LRP1B: variants seen among roughly 807,000 people sequenced by gnomAD.
LRP1B encodes low-density lipoprotein receptor-related protein 1B.
LRP1B carries 217 observed loss-of-function variants against 556.6 expected under a neutral mutation model. The observed-to-expected ratio is 0.39, with a 90% CI of 0.35 to 0.44. The LOEUF (loss-of-function observed/expected upper bound fraction) is 0.44. LRP1B is among the 20% of genes least tolerant of loss of function. The pLI is 1.00. For missense variants in LRP1B, 5,053 were observed against 5,620.8 expected, an observed-to-expected ratio of 0.90 and a Z score of 3.23; for synonymous variants, 2,047 against 1,865.8, an observed-to-expected ratio of 1.10 and a Z score of -2.50.
At chr2:142,039,939 A>G (rs1195965918) in intron 1 of LRP1B, among the ~76,000 whole-genome samples, 1 of 151,486 alleles carries the variant, frequency 6.6e-6, no homozygotes, top group Non-Finnish European at 1.5e-5. Context: ...TTTAAGAAAT[A>G]CACTGTTCAA....
chr2:141,082,788 G>T (rs532496310), intron 7 of LRP1B, among the ~76,000 whole-genome samples: 2 of 152,242 alleles, frequency 1.3e-5, no homozygotes, highest in South Asian at 2.1e-4. Flanking sequence ...AGGGACAAAG[G>T]TTAAAAAATG....
At chr2:140,735,764 C>T (rs529751136) in intron 35 of LRP1B, among the ~76,000 whole-genome samples, 1 of 152,172 alleles carries the variant, frequency 6.6e-6, no homozygotes, top group African/African-American at 2.4e-5. Context: ...TCTGTCCTGG[C>T]TACTTGGCTA....
At chr2:141,881,002 G>A (rs977643077) in intron 1 of LRP1B, among the ~76,000 whole-genome samples, 3 of 151,976 alleles carry the variant, frequency 2.0e-5, no homozygotes, top group Admixed American at 6.6e-5. Flanking sequence ...GGTACAGTGG[G>A]CATGACGTTG....
intron 3 of LRP1B, among the ~76,000 whole-genome samples, chr2:141,319,480 A>G (rs1268972753): frequency 1.3e-5 from 2 of 151,890 alleles, no homozygotes; most frequent in African/African-American, 4.8e-5. Context: ...ACTGAAGTTG[A>G]GGTGAGGGTT....
chr2:141,350,833 T>C (rs990986302), intron 3 of LRP1B, among the ~76,000 whole-genome samples: 11 of 152,162 alleles, frequency 7.2e-5, no homozygotes, highest in Admixed American at 7.2e-4. Context: ...AGATGAGCCA[T>C]AGATTTTGGC....
intron 2 of LRP1B, among the ~76,000 whole-genome samples, chr2:141,620,781 CA>C (rs1688480039): frequency 6.6e-6 from 1 of 151,902 alleles, no homozygotes; most frequent in Non-Finnish European, 1.5e-5. Flanking sequence ...TAAATGAAGA[CA>C]CCTTTTCAGA....
intron 58 of LRP1B, among the ~76,000 whole-genome samples, chr2:140,485,846 T>TAC (rs10696198): frequency 0.085 from 12,075 of 142,120 alleles, 547 homozygotes; most frequent in African/African-American, 0.14. Context: ...CTCACGCACA[T>TAC]ACACACACAC....
intron 20 of LRP1B, among the ~76,000 whole-genome samples, chr2:140,940,705 A>C (rs1695375264): frequency 6.6e-6 from 1 of 152,148 alleles, no homozygotes; most frequent in African/African-American, 2.4e-5. Flanking sequence ...ATGTCTTGCT[A>C]TTGTGAACAG....
chr2:140,585,182 G>T (rs1479111053), intron 43 of LRP1B, among the ~76,000 whole-genome samples: 1 of 151,836 alleles, frequency 6.6e-6, no homozygotes, highest in Non-Finnish European at 1.5e-5. Context: ...TTTTAAACTT[G>T]GTTTATTTTT....
At chr2:141,424,555 C>T (rs1238662252) in intron 3 of LRP1B, among the ~76,000 whole-genome samples, 1 of 152,150 alleles carries the variant, frequency 6.6e-6, no homozygotes, top group Non-Finnish European at 1.5e-5. Flanking sequence ...TTGAAAGGCA[C>T]TTTGAATAAA....
At chr2:142,098,188 A>G (rs992391092) in intron 1 of LRP1B, among the ~76,000 whole-genome samples, 3 of 151,720 alleles carry the variant, frequency 2.0e-5, no homozygotes, top group Admixed American at 2.0e-4. Flanking sequence ...GAAGAAAGAA[A>G]TTTGCTGGAG....
intron 2 of LRP1B, among the ~76,000 whole-genome samples, chr2:141,582,911 C>T (rs891975103): frequency 3.0e-5 from 4 of 134,716 alleles, no homozygotes; most frequent in Non-Finnish European, 6.2e-5. Context: ...TCTCGGCTCA[C>T]TGCAACCTCC....
chr2:141,173,058 A>T (rs1436384594), intron 7 of LRP1B, among the ~76,000 whole-genome samples: 3 of 135,522 alleles, frequency 2.2e-5, no homozygotes, highest in Non-Finnish European at 4.9e-5. Context: ...TTAAAATTAA[A>T]AAAAAAAAAA....
intron 2 of LRP1B, among the ~76,000 whole-genome samples, chr2:141,513,297 C>A (rs1201241420): frequency 6.6e-6 from 1 of 151,918 alleles, no homozygotes; most frequent in Non-Finnish European, 1.5e-5. Flanking sequence ...GACTTAATAA[C>A]CATCATCTTG....
intron 7 of LRP1B, among the ~76,000 whole-genome samples, chr2:141,101,823 AG>A (rs1324114425): frequency 6.6e-6 from 1 of 152,164 alleles, no homozygotes; most frequent in Non-Finnish European, 1.5e-5. Flanking sequence ...AATTTATCCC[AG>A]ATTCCCCATT....
intron 1 of LRP1B, among the ~76,000 whole-genome samples, chr2:142,009,690 T>C (rs1178890237): frequency 1.3e-5 from 2 of 152,214 alleles, no homozygotes; most frequent in Non-Finnish European, 2.9e-5. Context: ...GGCTATATGA[T>C]TTTATGCTGC....
At position 141,183,733 on chromosome 2, in the gene LRP1B, G is replaced by C. The variant is rs559121280; in HGVS notation, c.1013+4688C>G. On this transcript the variant is annotated intron_variant, in intron 7 of 90. Transcript: ENST00000389484. ...ATTTCTGTTATTTTACTTAACATAGGAGATCTTCCCCCTCCCTCAATTTAG... is the reference window on the plus strand; with the variant it reads ...ATTTCTGTTATTTTACTTAACATAGCAGATCTTCCCCCTCCCTCAATTTAG... Among the ~76,000 whole-genome samples, 6 of 152,008 alleles carry C rather than the reference G, an allele frequency of 3.9e-5. 1 individual carries two copies. The highest frequency in any genetic ancestry group is 1.4e-4 in the African/African-American group (6 of 41,494).
chr2:140,768,072 C>T (rs1408595937), intron 35 of LRP1B, among the ~76,000 whole-genome samples: 1 of 151,920 alleles, frequency 6.6e-6, no homozygotes, highest in Admixed American at 6.6e-5. Flanking sequence ...TAACATATTG[C>T]TTAATAAAAT....
chr2:141,320,326 T>C (rs758878441), intron 3 of LRP1B, among the ~76,000 whole-genome samples: 7 of 152,070 alleles, frequency 4.6e-5, no homozygotes, highest in Non-Finnish European at 7.4e-5. Context: ...GAGTGCGCAG[T>C]AAGGAAATAA....
Sources: allele counts gnomAD v4.1 joint callset (sites outside exome capture counted in the v4.1 genomes callset), GRCh38; gene constraint gnomAD v4.1.1; transcripts MANE v1.5; gene names NCBI Gene and HGNC (gene_info 2026-07-23, HGNC 2026-07-21).